The following DNAH7 variants were observed in gnomAD, a reference collection of about 807,000 sequenced individuals.
The protein encoded by DNAH7 is axonemal beta dynein heavy chain 7.
Under a neutral mutation model 444.6 loss-of-function variants are expected in DNAH7, and 397 were observed. That is an observed-to-expected ratio of 0.89 (90% CI 0.82 to 0.97). The LOEUF (loss-of-function observed/expected upper bound fraction) is 0.97. Ranked by LOEUF, DNAH7 falls within the 50% of genes least tolerant of loss-of-function variation. DNAH7 has a pLI of 0.00. For synonymous variants in DNAH7, 1,636 were observed against 1,624.4 expected (o/e 1.01, Z -0.17); for missense variants, 4,902 against 4,800.8 (o/e 1.02, Z -0.62).
Position 195,906,456 on chromosome 2 carries a change from T to TTC in DNAH7, c.4335+202_4335+203insGA, listed in dbSNP as rs1208866862. On this transcript the variant is annotated intron_variant, in intron 27 of 64. Transcript: ENST00000312428. ...TTTTAAAATATTTTCTTTCTTTCTT[T>TTC]TTTTTTTTTTTTTTTTTTTAAGAGA... is the stretch of plus-strand genomic sequence containing the variant. 9.7e-4 allele frequency among the ~76,000 whole-genome samples: 113 copies of TTC among 117,088 alleles called. 1 individual carries two copies. Among genetic ancestry groups the TTC allele is most frequent in the African/African-American group, 5.4e-3 (111 of 20,734 alleles). The allele number at this position is 117,088 out of a possible 152,430, so 76.8% of individuals were successfully genotyped here.
intron 8 of DNAH7, among the ~76,000 whole-genome samples, chr2:196,020,412 A>G (rs1695304967): frequency 6.6e-6 from 1 of 152,158 alleles, no homozygotes; most frequent in African/African-American, 2.4e-5. Flanking sequence ...ATCTTTCAGA[A>G]TATATTTAAA....
chr2:196,067,859 T>C (rs1698512598), intron 1 of DNAH7, among the ~76,000 whole-genome samples: 1 of 152,252 alleles, frequency 6.6e-6, no homozygotes, highest in Non-Finnish European at 1.5e-5. Context: ...ATAGAGTCCT[T>C]TTCCTTATTC....
Position 196,043,882 on chromosome 2 carries a change from A to G in DNAH7, c.398+3470T>C, listed in dbSNP as rs1257436734. ...CCACTTTACTCCTGCAAGAATGGCCATAATTTAAAAATCAAAAAATAATAG... is the reference window on the plus strand; with the variant it reads ...CCACTTTACTCCTGCAAGAATGGCCGTAATTTAAAAATCAAAAAATAATAG... On this transcript the variant is annotated intron_variant, in intron 5 of 64. Coordinates refer to ENST00000312428, the MANE Select transcript of DNAH7 (RefSeq NM_018897.3). Among the ~76,000 whole-genome samples, 4 of 152,268 alleles carry G rather than the reference A, an allele frequency of 2.6e-5. No homozygotes were observed. The East Asian group carries it at 7.7e-4, about 29-fold the overall frequency.
At chr2:195,980,080 A>G in intron 15 of DNAH7, among the ~76,000 whole-genome samples, 1 of 149,472 alleles carries the variant, frequency 6.7e-6, no homozygotes, top group Non-Finnish European at 1.5e-5. Flanking sequence ...AAAAAAAAAA[A>G]AAAAAACTAG....
At chr2:195,976,064 C>A (rs1222552113) in intron 15 of DNAH7, among the ~76,000 whole-genome samples, 1 of 152,156 alleles carries the variant, frequency 6.6e-6, no homozygotes, top group Non-Finnish European at 1.5e-5. Context: ...CTCTGTCTTG[C>A]AGTTTAGATA....
At chr2:195,820,510 A>G (rs976686291) in intron 49 of DNAH7, among the ~76,000 whole-genome samples, 1 of 152,078 alleles carries the variant, frequency 6.6e-6, no homozygotes, top group Non-Finnish European at 1.5e-5. Context: ...TGAAAATGCT[A>G]CAAAAATTTC....
chr2:196,014,093 G>A (rs1694871565), intron 9 of DNAH7, among the ~76,000 whole-genome samples: 1 of 152,162 alleles, frequency 6.6e-6, no homozygotes, highest in Non-Finnish European at 1.5e-5. Flanking sequence ...TGAAATCTCT[G>A]CAGATAGCAT....
chr2:195,858,331 T>A (rs571999103), intron 43 of DNAH7, 143 bp downstream of exon 43: 9 of 731,788 alleles, frequency 1.2e-5, no homozygotes, highest in Non-Finnish European at 1.8e-5. Flanking sequence ...ATTAGGGAAT[T>A]CTTTTGCCAA....
chr2:195,748,100 C>G (rs1693540487), intron 63 of DNAH7, among the ~76,000 whole-genome samples: 1 of 152,104 alleles, frequency 6.6e-6, no homozygotes, highest in South Asian at 2.1e-4. Flanking sequence ...TGTCTCAGCC[C>G]AAAATCTCCT....
chr2:195,802,741 G>A (rs923596646), intron 54 of DNAH7, among the ~76,000 whole-genome samples: 3 of 152,020 alleles, frequency 2.0e-5, no homozygotes, highest in Non-Finnish European at 4.4e-5. Context: ...GGGTGCAAGT[G>A]CAATTTTTTA....
At chr2:195,999,205 T>G in intron 12 of DNAH7, 1 of 717,348 alleles carries the variant, frequency 1.4e-6, no homozygotes, top group Non-Finnish European at 2.6e-6. Context: ...CCTTTGAATA[T>G]GAGAAAAGTA....
rs781214617 is a variant in DNAH7, at chr2:195,808,772, T to C, written c.9993A>G (p.Ile3331Met). The C allele has an allele frequency of 6.2e-7, 1 of 1,614,040 alleles. No homozygotes were observed. Among genetic ancestry groups the C allele is most frequent in the South Asian group, 1.1e-5 (1 of 91,082 alleles). Residue 3331 changes from isoleucine (I) to methionine (M), a missense_variant, in exon 53 of 65, where the codon ATA becomes ATG. Transcript: ENST00000312428. ...AGGCAGGCAAATCATCTAATCGACA[T>C]ATTTCATCCCAGGATTTCTGAGGAA... Reference protein sequence around the residue: ...TWLPQKSWDEICRLDDLPAFK... With the variant: ...TWLPQKSWDEMCRLDDLPAFK...
chr2:195,758,564 C>T (rs1694196349), intron 61 of DNAH7, among the ~76,000 whole-genome samples: 1 of 152,178 alleles, frequency 6.6e-6, no homozygotes, highest in Admixed American at 6.5e-5. Flanking sequence ...CACAAAAAAG[C>T]AACTTCATAA....
Position 195,787,131 on chromosome 2 carries a change from T to C in DNAH7, c.10757A>G (p.His3586Arg), listed in dbSNP as rs1206117845. 4.4e-6 allele frequency: 7 copies of C among 1,608,272 alleles called. No individual in the cohort carries two copies. Among genetic ancestry groups the C allele is most frequent in the African/African-American group, 1.3e-5 (1 of 74,522 alleles). Residue 3586 changes from histidine (H) to arginine (R), a missense_variant, in exon 58 of 65, where the codon CAT becomes CGT. His to Arg is a conservative substitution (Grantham distance 29). Coordinates refer to ENST00000312428, the MANE Select transcript of DNAH7 (RefSeq NM_018897.3). ...TTTCCGTCTTTCTTGTACCAAAGCA[T>C]GAAAGAAACACAGGCCATAAAGCAA... ...KKLLYGLCFFHALVQERRKFG... is the reference protein window; with the variant it reads ...KKLLYGLCFFRALVQERRKFG...
At chr2:195,915,442 A>G (rs1017927449) in intron 24 of DNAH7, among the ~76,000 whole-genome samples, 2 of 152,222 alleles carry the variant, frequency 1.3e-5, no homozygotes, top group Admixed American at 6.5e-5. Context: ...TGAGTCCAAT[A>G]GACAGATTAT....
At chr2:195,892,435 G>A (rs564807110) in intron 30 of DNAH7, 3 of 151,178 alleles carry the variant, frequency 2.0e-5, no homozygotes, top group South Asian at 4.2e-4. Flanking sequence ...CTGAAAGCTG[G>A]TCTATGGCAT....
chr2:195,845,108 C>G lies in DNAH7; in HGVS notation c.8839G>C (p.Asp2947His). The change falls in exon 47 of 65, where the codon GAT becomes CAT. Residue 2947 changes from aspartate to histidine, a missense_variant. Asp to His is a moderately conservative substitution (Grantham distance 81, BLOSUM62 -1). Transcript: ENST00000312428. ...CCCAGGGTACCCATAAGAGAGCAAT[C>G]ATCTGAGCAGGGGATATCTCTTCCT... ...CKGRDIPCSD[D>H]CSLMGTLGEA... The G allele has an allele frequency of 6.2e-7, 1 of 1,613,876 alleles. No homozygotes were observed. Among genetic ancestry groups the G allele is most frequent in the Non-Finnish European group, 8.5e-7 (1 of 1,179,880 alleles).
At chr2:195,803,712 C>T (rs962219159) in intron 54 of DNAH7, among the ~76,000 whole-genome samples, 2 of 152,180 alleles carry the variant, frequency 1.3e-5, no homozygotes, top group African/African-American at 2.4e-5. Flanking sequence ...CTGGATTTAT[C>T]TGAGGCCAGA....
intron 20 of DNAH7, 115 bp downstream of exon 20, chr2:195,936,484 C>T (rs1025788894): frequency 1.1e-5 from 7 of 628,622 alleles, no homozygotes; most frequent in Non-Finnish European, 1.7e-5. Context: ...TTGGAACATT[C>T]TTGTAGAAAA....
Sources: allele counts gnomAD v4.1 joint callset (sites outside exome capture counted in the v4.1 genomes callset), GRCh38; gene constraint gnomAD v4.1.1; transcripts MANE v1.5; gene names NCBI Gene and HGNC (gene_info 2026-07-23, HGNC 2026-07-21).